NPL: variants seen among roughly 807,000 people sequenced by gnomAD.
The protein encoded by NPL is N-acetylneuraminate pyruvate lyase.
In NPL, 32 loss-of-function variants were observed where a neutral mutation model predicts 41.1. That is an observed-to-expected ratio of 0.78 (90% confidence interval 0.59 to 1.05). The LOEUF is 1.05. NPL is among the 50% of genes least tolerant of loss of function. The probability of loss-of-function intolerance (pLI) is 0.00; values close to 1 mark genes in which losing one functional copy is unlikely to be tolerated. For missense variants in NPL, 321 were observed against 378.4 expected (o/e 0.85, Z 1.26); for synonymous variants, 128 against 134.9 (o/e 0.95, Z 0.35).
intron 3 of NPL, among the ~76,000 whole-genome samples, chr1:182,802,285 T>A (rs541706169): frequency 1.2e-4 from 18 of 152,356 alleles, no homozygotes; most frequent in South Asian, 2.1e-4. Context: ...TTTTCCCAAG[T>A]GGCAGGCTCA....
intron 8 of NPL, among the ~76,000 whole-genome samples, chr1:182,818,162 A>G (rs1557950653): frequency 6.6e-6 from 1 of 152,222 alleles, no homozygotes; most frequent in Non-Finnish European, 1.5e-5. Flanking sequence ...AGATGCTTCT[A>G]TCTCTCAGGA....
chr1:182,807,890 CA>C (rs61314915), intron 5 of NPL, among the ~76,000 whole-genome samples: 177 of 56,272 alleles, frequency 3.1e-3, no homozygotes, highest in Admixed American at 6.3e-3. Flanking sequence ...GACTCCATCT[CA>C]AAAAAAAAAA....
chr1:182,822,018 G>T, intron 10 of NPL, 97 bp from the exon 11 acceptor site: 2 of 801,206 alleles, frequency 2.5e-6, no homozygotes, highest in South Asian at 1.4e-5. Flanking sequence ...AGGAGGACTA[G>T]GTGTATTTTT....
At chr1:182,790,804 C>T (rs538785135) in intron 1 of NPL, among the ~76,000 whole-genome samples, 36 of 152,278 alleles carry the variant, frequency 2.4e-4, no homozygotes, top group Middle Eastern at 3.4e-3. Flanking sequence ...CCACCACGCC[C>T]GGCTAATTTT....
At position 182,829,367 on chromosome 1, in the gene NPL, A is replaced by T; in HGVS notation, c.*459A>T. ...GGCAGGCACTTTAATACCAAACTGT[A>T]ACATGTCTCAACTGTATACAACTCA... is the stretch of plus-strand genomic sequence containing the variant. On this transcript the variant is annotated 3_prime_UTR_variant, in exon 13 of 13. Transcript: ENST00000367553. 7.8e-7 allele frequency: 1 copy of T among 1,280,164 alleles called. No homozygotes were observed. The highest frequency in any genetic ancestry group is 9.9e-7 in the Non-Finnish European group (1 of 1,011,460). 79.3% of individuals were successfully genotyped at this position (1,280,164 alleles called of 1,614,324 possible).
At chr1:182,799,924 G>A (rs1252173604) in intron 3 of NPL, among the ~76,000 whole-genome samples, 3 of 152,184 alleles carry the variant, frequency 2.0e-5, no homozygotes, top group Non-Finnish European at 4.4e-5. Flanking sequence ...TGGGGCTCAT[G>A]AAAGAAGAGA....
chr1:182,812,088 C>T, intron 5 of NPL, 68 bp from the exon 6 acceptor site: 1 of 1,501,598 alleles, frequency 6.7e-7, no homozygotes, highest in South Asian at 1.1e-5. Context: ...CAGCACAAAC[C>T]AGGATAGTGC....
intron 10 of NPL, 120 bp downstream of exon 10, chr1:182,818,979 A>G (rs1667414209): frequency 4.5e-6 from 4 of 895,856 alleles, no homozygotes; most frequent in Non-Finnish European, 7.5e-6. Context: ...TCTTTTCCAC[A>G]TTCTTCCAGT....
Position 182,822,190 on chromosome 1 carries a change from G to A in NPL, c.729G>A (p.Leu243=), listed in dbSNP as rs778356088. Residue 243 remains leucine, a synonymous_variant, in exon 11 of 13, where the codon CTG becomes CTA. Coordinates refer to ENST00000367553, the MANE Select transcript of NPL (RefSeq NM_030769.3). ...AACAAAAGGACTTCTCTTTAGCCCTGAACTATCAGGTAAACGTTTTCTTCT... is the reference window on the plus strand; with the variant it reads ...AACAAAAGGACTTCTCTTTAGCCCTAAACTATCAGGTAAACGTTTTCTTCT... The part of the protein sequence containing the change: ...AFEQKDFSLA[L]NYQFCIQRFI... 2 of 1,608,382 alleles carry A rather than the reference G, an allele frequency of 1.2e-6. No individual in the cohort carries two copies. The highest frequency in any genetic ancestry group is 1.7e-6 in the Non-Finnish European group (2 of 1,174,776).
At chr1:182,819,878 T>C (rs1325313745) in intron 10 of NPL, among the ~76,000 whole-genome samples, 2 of 152,206 alleles carry the variant, frequency 1.3e-5, no homozygotes, top group Admixed American at 1.3e-4. Flanking sequence ...GATATGTTAT[T>C]ATAAAATACT....
chr1:182,793,502 C>T (rs1666573566), intron 2 of NPL, among the ~76,000 whole-genome samples: 1 of 152,160 alleles, frequency 6.6e-6, no homozygotes, highest in African/African-American at 2.4e-5. Context: ...GAATTGAACA[C>T]CTGGTGTCAA....
intron 5 of NPL, among the ~76,000 whole-genome samples, chr1:182,808,935 G>C (rs1298758907): frequency 6.7e-6 from 1 of 150,290 alleles, no homozygotes; most frequent in African/African-American, 2.5e-5. Flanking sequence ...AGTCCAGCCT[G>C]GGTGAAAGAG....
intron 3 of NPL, among the ~76,000 whole-genome samples, chr1:182,798,106 C>T (rs944936256): frequency 2.0e-5 from 3 of 152,116 alleles, no homozygotes; most frequent in African/African-American, 7.2e-5. Flanking sequence ...TCTGTCCTGG[C>T]AGTTGAAGAA....
chr1:182,794,705 T>A (rs911490933), intron 3 of NPL, among the ~76,000 whole-genome samples: 7 of 152,238 alleles, frequency 4.6e-5, no homozygotes, highest in Non-Finnish European at 5.9e-5. Flanking sequence ...TCCCAGTGTC[T>A]GTAGCACCAC....
At chr1:182,815,749 C>T (rs1002112662) in intron 7 of NPL, among the ~76,000 whole-genome samples, 4 of 152,012 alleles carry the variant, frequency 2.6e-5, no homozygotes, top group African/African-American at 9.7e-5. Context: ...GACTTACAGG[C>T]GCATGCCACC....
intron 5 of NPL, among the ~76,000 whole-genome samples, chr1:182,811,079 G>T (rs1667163422): frequency 6.6e-6 from 1 of 151,062 alleles, no homozygotes; most frequent in African/African-American, 2.5e-5. Context: ...TCAACAATTA[G>T]CCAGTGCCAG....
At chr1:182,804,416 C>T (rs1180003962) in intron 4 of NPL, among the ~76,000 whole-genome samples, 1 of 152,192 alleles carries the variant, frequency 6.6e-6, no homozygotes, top group Non-Finnish European at 1.5e-5. Context: ...GCGTGAGCCA[C>T]CGCGCCCAGC....
chr1:182,824,185 A>T (rs558132107), intron 11 of NPL, among the ~76,000 whole-genome samples: 1 of 152,362 alleles, frequency 6.6e-6, no homozygotes, highest in South Asian at 2.1e-4. Flanking sequence ...ATATTCATCC[A>T]TAAGGCAATG....
At chr1:182,817,050 A>G (rs1316132646) in intron 8 of NPL, among the ~76,000 whole-genome samples, 1 of 152,164 alleles carries the variant, frequency 6.6e-6, no homozygotes, top group Non-Finnish European at 1.5e-5. Flanking sequence ...CTTGTAGCAC[A>G]TACCTTTCAT....
Sources: gnomAD v4.1 joint callset for allele counts (sites outside exome capture counted in the v4.1 genomes callset) on GRCh38, gnomAD v4.1.1 for gene constraint, MANE v1.5 for transcripts, NCBI Gene and HGNC (gene_info 2026-07-23, HGNC 2026-07-21) for gene names.